Variants in PDE1C observed in about 807,000 individuals in gnomAD.
PDE1C encodes the protein phosphodiesterase 1C.
In PDE1C, 62 loss-of-function variants were observed where a neutral mutation model predicts 93.1. The ratio of observed to expected loss-of-function variants is 0.67; its 90% CI spans 0.54 to 0.82. PDE1C has a LOEUF of 0.82. Among genes scored for constraint, PDE1C ranks in the 40% least tolerant of loss-of-function variants. The probability of loss-of-function intolerance (pLI) is 0.00; values close to 1 mark genes in which losing one functional copy is unlikely to be tolerated. For synonymous variants in PDE1C, 325 were observed against 310.1 expected (o/e 1.05, Z -0.50); for missense variants, 742 against 884.6 (o/e 0.84, Z 2.04).
chr7:32,363,192 C>T lies in PDE1C; in HGVS notation c.310+64630G>A, dbSNP rs151136871. On this transcript the variant is annotated intron_variant, in intron 1 of 1. Transcript: ENST00000672256. ...GGGGGCATATTTATTATTGTGACCA[C>T]GGCAAAATCAGGGAACATCCTAGAA... is the stretch of plus-strand genomic sequence containing the variant. Among the ~76,000 whole-genome samples the T allele has an allele frequency of 9.2e-5, 14 of 152,300 alleles. No individual in the cohort carries two copies. In the East Asian group the frequency reaches 1.7e-3, roughly 19 times the overall value.
chr7:32,019,439 A>G (rs1429868178), intron 2 of PDE1C, among the ~76,000 whole-genome samples: 2 of 152,188 alleles, frequency 1.3e-5, no homozygotes, highest in Non-Finnish European at 2.9e-5. Context: ...GAGTTTCCTT[A>G]TAAAGGCCAG....
chr7:32,298,629 G>C (rs1159744437), intron 1 of PDE1C: 1 of 1,590,080 alleles, frequency 6.3e-7, no homozygotes, highest in Non-Finnish European at 8.6e-7. Flanking sequence ...CCAGGAGTCC[G>C]AGAGGGGTGG....
chr7:31,750,455 C>T (rs886776223), downstream of PDE1C, among the ~76,000 whole-genome samples: 6 of 152,296 alleles, frequency 3.9e-5, no homozygotes, highest in African/African-American at 7.2e-5. Context: ...TAGTAAGGGA[C>T]ATTACCCTTG....
intron 17 of PDE1C, among the ~76,000 whole-genome samples, chr7:31,765,096 A>T (rs143424305): frequency 6.6e-6 from 1 of 152,142 alleles, no homozygotes; most frequent in Non-Finnish European, 1.5e-5. Flanking sequence ...GCTCATTTCT[A>T]CTGGTCTCAT....
chr7:31,716,669 G>C, the PDE1C span, among the ~76,000 whole-genome samples: 12 of 152,138 alleles, frequency 7.9e-5, no homozygotes, highest in African/African-American at 2.9e-4. Flanking sequence ...AGCAAACCAC[G>C]TAGTTATATT....
chr7:31,714,375 T>C, the PDE1C span, among the ~76,000 whole-genome samples: 1 of 152,218 alleles, frequency 6.6e-6, no homozygotes, highest in Non-Finnish European at 1.5e-5. Flanking sequence ...ATTATCATCA[T>C]TTTGTTCAAA....
intron 1 of PDE1C, among the ~76,000 whole-genome samples, chr7:32,287,871 G>A (rs1038953523): frequency 6.6e-6 from 1 of 152,170 alleles, no homozygotes; most frequent in African/African-American, 2.4e-5. Context: ...ATCTACAATG[G>A]TTCCCAGGTT....
At chr7:32,126,690 T>C (rs1411065750) in intron 3 of PDE1C, among the ~76,000 whole-genome samples, 1 of 152,052 alleles carries the variant, frequency 6.6e-6, no homozygotes, top group African/African-American at 2.4e-5. Context: ...CAAAAAGGTA[T>C]AGTCTCTATG....
the PDE1C span, among the ~76,000 whole-genome samples, chr7:31,730,107 T>C: frequency 5.3e-5 from 8 of 152,266 alleles, no homozygotes; most frequent in Non-Finnish European, 1.2e-4. Flanking sequence ...ATTTAAAGCA[T>C]CTGATTCCCC....
At chr7:32,249,520 G>T (rs1187229033) in intron 1 of PDE1C, among the ~76,000 whole-genome samples, 1 of 152,122 alleles carries the variant, frequency 6.6e-6, no homozygotes, top group Non-Finnish European at 1.5e-5. Context: ...CAGTAAAAAG[G>T]CTGTTCATGC....
At chr7:31,719,420 T>C in the PDE1C span, among the ~76,000 whole-genome samples, 2 of 152,228 alleles carry the variant, frequency 1.3e-5, no homozygotes, top group African/African-American at 2.4e-5. Flanking sequence ...TCCTTTGCTC[T>C]TTCAGGAAAT....
intron 1 of PDE1C, among the ~76,000 whole-genome samples, chr7:32,336,258 A>C (rs1307426471): frequency 6.6e-6 from 1 of 152,168 alleles, no homozygotes; most frequent in African/African-American, 2.4e-5. Context: ...CAACTACTTC[A>C]TGAAGGAGAC....
chr7:31,626,321 C>A, the PDE1C span, among the ~76,000 whole-genome samples: 1 of 152,140 alleles, frequency 6.6e-6, no homozygotes, highest in Admixed American at 6.5e-5. Flanking sequence ...TTGAAGAGTT[C>A]ATTGGTAAAA....
At chr7:31,734,156 G>A in the PDE1C span, among the ~76,000 whole-genome samples, 2 of 152,292 alleles carry the variant, frequency 1.3e-5, 1 homozygote, top group Non-Finnish European at 2.9e-5. Context: ...GTATGAGGAA[G>A]GCACCGTATG....
At chr7:31,663,628 T>G in the PDE1C span, among the ~76,000 whole-genome samples, 16 of 152,358 alleles carry the variant, frequency 1.1e-4, no homozygotes, top group Admixed American at 5.9e-4. Flanking sequence ...AGTTCTCAGC[T>G]TCATATATTC....
chr7:32,153,103 T>G (rs1020573956), intron 3 of PDE1C, among the ~76,000 whole-genome samples: 1 of 152,116 alleles, frequency 6.6e-6, no homozygotes, highest in Non-Finnish European at 1.5e-5. Context: ...ACTGAAATAG[T>G]AGTAAAAATA....
At chr7:32,323,417 C>A (rs1326524075) in intron 1 of PDE1C, among the ~76,000 whole-genome samples, 1 of 152,102 alleles carries the variant, frequency 6.6e-6, no homozygotes, top group East Asian at 1.9e-4. Flanking sequence ...AGCTCCAGCA[C>A]CCCACCACAA....
intron 2 of PDE1C, among the ~76,000 whole-genome samples, chr7:31,982,100 C>A (rs1812465092): frequency 6.6e-6 from 1 of 152,170 alleles, no homozygotes; most frequent in Middle Eastern, 3.2e-3. Context: ...CTGTGCTTTC[C>A]ATCAGCAAAT....
chr7:32,229,748 G>A (rs936851691), intron 1 of PDE1C, among the ~76,000 whole-genome samples: 7 of 152,218 alleles, frequency 4.6e-5, no homozygotes, highest in African/African-American at 1.7e-4. Flanking sequence ...ACAGCTGGAG[G>A]TGGCACAGCT....
Sources: allele counts gnomAD v4.1 joint callset (sites outside exome capture counted in the v4.1 genomes callset), GRCh38; gene constraint gnomAD v4.1.1; transcripts MANE v1.5; gene names NCBI Gene and HGNC (gene_info 2026-07-23, HGNC 2026-07-21).